RBM20: variants seen among roughly 807,000 people sequenced by gnomAD.
RBM20 encodes the protein RNA-binding protein 20.
Under a neutral mutation model 110.1 loss-of-function variants are expected in RBM20, and 51 were observed. The observed-to-expected ratio is 0.46, with a 90% CI of 0.37 to 0.59. The LOEUF (loss-of-function observed/expected upper bound fraction) is 0.59, where lower values mean the gene tolerates loss of function less well. Among genes scored for constraint, RBM20 ranks in the 20% least tolerant of loss-of-function variants. The pLI is 0.00. For missense variants in RBM20, 1,512 were observed against 1,574.9 expected (o/e 0.96, Z 0.68); for synonymous variants, 589 against 618.2 (o/e 0.95, Z 0.70).
At chr10:110,790,241 C>T (rs186863111) in intron 5 of RBM20, among the ~76,000 whole-genome samples, 1 of 152,176 alleles carries the variant, frequency 6.6e-6, no homozygotes, top group South Asian at 2.1e-4. Flanking sequence ...TGGCTTAGAG[C>T]GCTCTGGTCT....
chr10:110,757,910 C>A lies in RBM20; in HGVS notation c.192-22891C>A, dbSNP rs147344471. Among the ~76,000 whole-genome samples, 257 of 151,694 alleles carry A rather than the reference C, an allele frequency of 1.7e-3. 1 individual carries two copies. The highest frequency in any genetic ancestry group is 5.7e-3 in the African/African-American group (236 of 41,112). ...TCTAACTCCAGAGTCATGGGATAGA[C>A]CCTACTGTGAGTTGTTTATTCAAAA... On this transcript the variant is annotated intron_variant, in intron 1 of 13. Transcript: ENST00000369519.
At chr10:110,711,253 C>T (rs1862922153) in intron 1 of RBM20, among the ~76,000 whole-genome samples, 1 of 137,270 alleles carries the variant, frequency 7.3e-6, no homozygotes, top group African/African-American at 2.7e-5. Flanking sequence ...TTGCTTGAAC[C>T]TGGGAGGCGG....
intron 1 of RBM20, among the ~76,000 whole-genome samples, chr10:110,715,035 G>T (rs1214146571): frequency 1.3e-5 from 2 of 152,188 alleles, no homozygotes; most frequent in African/African-American, 2.4e-5. Context: ...ATCACGTGAG[G>T]TCAGGAGTTC....
rs758718732 is a variant in RBM20 at position 110,781,394 on chromosome 10, C to G, written c.785C>G (p.Thr262Ser). 1.2e-4 allele frequency: 191 copies of G among 1,551,690 alleles called. 3 individuals are homozygous for G. In the South Asian group the frequency reaches 2.1e-3, roughly 17 times the overall value. Residue 262 changes from threonine to serine, a missense_variant, in exon 2 of 14, where the codon ACC (threonine) becomes AGC (serine). Around this residue, in one of 3 missense-constraint regions of RBM20, gnomAD observed 1,149 missense variants for 1,169.4 expected, o/e 0.98. Coordinates refer to ENST00000369519, the MANE Select transcript of RBM20 (RefSeq NM_001134363.3). ...TCGGCCTCAACCTCGGGCAGTGTGACCTATGAAGGGCACTACAGCCACACA... is the reference window on the plus strand; with the variant it reads ...TCGGCCTCAACCTCGGGCAGTGTGAGCTATGAAGGGCACTACAGCCACACA... ...PSSASTSGSV[T>S]YEGHYSHTGQ...
chr10:110,660,291 G>T (rs764966502), intron 1 of RBM20, among the ~76,000 whole-genome samples: 2 of 152,014 alleles, frequency 1.3e-5, no homozygotes. Flanking sequence ...GATTGCTCAC[G>T]ATTCCTCAGG....
chr10:110,756,558 A>G (rs1435447569), intron 1 of RBM20: 1 of 152,258 alleles, frequency 6.6e-6, no homozygotes, highest in East Asian at 1.9e-4. Flanking sequence ...TCATACCTCA[A>G]TGCACATTCC....
chr10:110,680,745 C>T (rs139509399), intron 1 of RBM20, among the ~76,000 whole-genome samples: 32 of 152,116 alleles, frequency 2.1e-4, no homozygotes, highest in Non-Finnish European at 4.6e-4. Context: ...TTCACCCCAG[C>T]TTTGATGCAC....
rs1331376882 is a variant in RBM20, at chr10:110,708,138, T to C, written c.191+63493T>C. ...CTGGCAGGTGATCTGTGCTGTCACA[T>C]AGGGCCCCATGCTTAAAGGGGCTCT... On this transcript the variant is annotated intron_variant, in intron 1 of 13. Transcript: ENST00000369519. 2.0e-5 allele frequency among the ~76,000 whole-genome samples: 3 copies of C among 152,238 alleles called. No individual in the cohort carries two copies. In the East Asian group the frequency reaches 5.8e-4, roughly 29 times the overall value.
intron 1 of RBM20, among the ~76,000 whole-genome samples, chr10:110,705,906 C>T (rs1302210817): frequency 2.6e-5 from 4 of 151,990 alleles, no homozygotes; most frequent in Admixed American, 2.6e-4. Context: ...CATGGTGAAA[C>T]CCCCATCTCT....
chr10:110,763,191 T>C (rs1451690569), intron 1 of RBM20, among the ~76,000 whole-genome samples: 2 of 152,104 alleles, frequency 1.3e-5, no homozygotes, highest in Admixed American at 1.3e-4. Context: ...GTCAAACATA[T>C]CCGACTGGCT....
intron 1 of RBM20, among the ~76,000 whole-genome samples, chr10:110,662,068 A>G (rs1307094123): frequency 6.6e-6 from 1 of 151,728 alleles, no homozygotes; most frequent in Admixed American, 6.6e-5. Context: ...GTCTAATCCC[A>G]GCTGCTGGGA....
upstream of RBM20, among the ~76,000 whole-genome samples, chr10:110,643,523 G>C (rs1454422811): frequency 6.6e-6 from 1 of 152,206 alleles, no homozygotes; most frequent in Non-Finnish European, 1.5e-5. Context: ...GTACGTTGTC[G>C]GCGAACTCTC....
At chr10:110,677,012 T>A (rs1306897242) in intron 1 of RBM20, among the ~76,000 whole-genome samples, 1 of 152,246 alleles carries the variant, frequency 6.6e-6, no homozygotes, top group Non-Finnish European at 1.5e-5. Flanking sequence ...TAAAACAGGA[T>A]AATTTTTAAA....
chr10:110,696,064 T>A (rs941200098), intron 1 of RBM20, among the ~76,000 whole-genome samples: 10 of 152,132 alleles, frequency 6.6e-5, no homozygotes, highest in African/African-American at 2.4e-4. Flanking sequence ...AGCCAATCAG[T>A]CTCCTTAGTG....
chr10:110,835,693 T>C (rs1289559687), intron 13 of RBM20, 175 bp from the exon 14 acceptor site: 1 of 525,576 alleles, frequency 1.9e-6, no homozygotes, highest in Non-Finnish European at 3.3e-6. Context: ...CATAATGAGG[T>C]ACTTAGCATA....
intron 1 of RBM20, among the ~76,000 whole-genome samples, chr10:110,680,520 A>G (rs1862407670): frequency 6.6e-6 from 1 of 152,158 alleles, no homozygotes; most frequent in African/African-American, 2.4e-5. Flanking sequence ...CTGGGCTGGC[A>G]TGATGGATGG....
intron 1 of RBM20, among the ~76,000 whole-genome samples, chr10:110,770,678 A>G (rs1480402978): frequency 6.6e-6 from 1 of 152,274 alleles, no homozygotes; most frequent in African/African-American, 2.4e-5. Flanking sequence ...CTTTAAAATT[A>G]ATCCAAAATT....
At chr10:110,776,889 A>C (rs1844272443) in intron 1 of RBM20, among the ~76,000 whole-genome samples, 1 of 149,720 alleles carries the variant, frequency 6.7e-6, no homozygotes, top group African/African-American at 2.6e-5. Context: ...GAAATTGTAG[A>C]TAGTGACCTA....
chr10:110,667,934 C>G (rs1039731035), intron 1 of RBM20, among the ~76,000 whole-genome samples: 1 of 152,056 alleles, frequency 6.6e-6, no homozygotes, highest in East Asian at 1.9e-4. Context: ...CAGAGGGAGC[C>G]CTGATTTACG....
Sources: allele counts gnomAD v4.1 joint callset (sites outside exome capture counted in the v4.1 genomes callset), GRCh38; gene constraint gnomAD v4.1.1; regional missense constraint gnomAD v4.1.1; transcripts MANE v1.5; gene names NCBI Gene and HGNC (gene_info 2026-07-23, HGNC 2026-07-21).